The following DNM3 variants were observed in gnomAD, a reference collection of about 807,000 sequenced individuals.
DNM3 encodes the protein dynamin 3.
Under a neutral mutation model 101.6 loss-of-function variants are expected in DNM3, and 47 were observed. The ratio of observed to expected loss-of-function variants is 0.46; its 90% CI spans 0.37 to 0.59. The LOEUF (loss-of-function observed/expected upper bound fraction) is 0.59. DNM3 is among the 20% of genes least tolerant of loss of function. DNM3 has a pLI of 0.00. For missense variants in DNM3, 849 were observed against 1,085.7 expected, an observed-to-expected ratio of 0.78 and a Z score of 3.06; for synonymous variants, 385 against 387.9, an observed-to-expected ratio of 0.99 and a Z score of 0.09.
chr1:172,079,402 G>T (rs1156394454), intron 11 of DNM3, among the ~76,000 whole-genome samples: 2 of 151,674 alleles, frequency 1.3e-5, no homozygotes, highest in Non-Finnish European at 2.9e-5. Flanking sequence ...TTTTCTGCTT[G>T]ATCGATTTGC....
intron 1 of DNM3, among the ~76,000 whole-genome samples, chr1:171,842,117 CG>C (rs1165402246): frequency 1.3e-5 from 2 of 152,134 alleles, no homozygotes; most frequent in Non-Finnish European, 2.9e-5. Context: ...GGGAGGGGTC[CG>C]CCCCGGGCTC....
intron 15 of DNM3, among the ~76,000 whole-genome samples, chr1:172,298,846 GAAGA>G (rs529184099): frequency 1.9e-3 from 264 of 142,128 alleles, no homozygotes; most frequent in Middle Eastern, 3.6e-3. Flanking sequence ...AGGACAGAAA[GAAGA>G]AAGAAAGAAA....
chr1:172,167,570 C>T (rs1328652981), intron 14 of DNM3, among the ~76,000 whole-genome samples: 1 of 152,072 alleles, frequency 6.6e-6, no homozygotes, highest in Non-Finnish European at 1.5e-5. Flanking sequence ...TCCACATGCT[C>T]TCCAGCACCT....
intron 13 of DNM3, chr1:172,093,782 C>T (rs2054071461): frequency 1.3e-6 from 2 of 1,547,220 alleles, no homozygotes; most frequent in African/African-American, 1.4e-5. Context: ...TTCCCAAGGG[C>T]ACAGTTTGTC....
intron 4 of DNM3, among the ~76,000 whole-genome samples, chr1:171,990,634 G>T (rs1165778651): frequency 6.6e-6 from 1 of 152,126 alleles, no homozygotes; most frequent in Admixed American, 6.6e-5. Flanking sequence ...CAAGTCTTCA[G>T]TACTCTGCTG....
intron 2 of DNM3, among the ~76,000 whole-genome samples, chr1:171,973,298 C>A (rs1009945887): frequency 1.3e-5 from 2 of 152,178 alleles, no homozygotes; most frequent in Non-Finnish European, 2.9e-5. Context: ...GGATTTAAAT[C>A]TTTGACTGGC....
chr1:172,379,026 T>C lies in DNM3; in HGVS notation c.1902T>C (p.Asn634=). The change falls in exon 18 of 21, where the codon AAT becomes AAC. Residue 634 remains asparagine, a synonymous_variant. Coordinates refer to ENST00000627582, the MANE Select transcript of DNM3 (RefSeq NM_015569.5). The part of the protein sequence containing the change: ...DKSVGNNKAE[N]DENGQAENFS... Reference sequence around the variant, plus strand: ...GTTTTCTCTTCTTTTAGGCTGAAAATGATGAGAATGGACAAGCAGAAAACT... The same window carrying C: ...GTTTTCTCTTCTTTTAGGCTGAAAACGATGAGAATGGACAAGCAGAAAACT... 6.2e-7 allele frequency: 1 copy of C among 1,609,426 alleles called. No individual in the cohort carries two copies. Among genetic ancestry groups the C allele is most frequent in the African/African-American group, 1.3e-5 (1 of 74,714 alleles).
In DNM3 at chr1:172,285,396, G is replaced by A. The variant is rs1340459162; in HGVS notation, c.1770-23332G>A. On this transcript the variant is annotated intron_variant, in intron 15 of 20. Transcript: ENST00000627582. ...AAACTCACCCCATCCCAATCTCACTGAATGTTAGCAGTGGGGTGCTGCAGA... is the reference window on the plus strand; with the variant it reads ...AAACTCACCCCATCCCAATCTCACTAAATGTTAGCAGTGGGGTGCTGCAGA... 6.6e-5 allele frequency among the ~76,000 whole-genome samples: 10 copies of A among 152,218 alleles called. No individual in the cohort carries two copies. The East Asian group carries it at 1.7e-3, about 26-fold the overall frequency.
rs903971787 is a variant in DNM3, at chr1:172,167,092, C to T, written c.1659+35804C>T. Reference sequence around the variant, plus strand: ...CCATCTCCCCACCCCATGTCAGGCCCTGGTGTGTGATGTTCCTCACCCTGT... The same window carrying T: ...CCATCTCCCCACCCCATGTCAGGCCTTGGTGTGTGATGTTCCTCACCCTGT... On this transcript the variant is annotated intron_variant, in intron 14 of 20. Coordinates refer to ENST00000627582, the MANE Select transcript of DNM3 (RefSeq NM_015569.5). Among the ~76,000 whole-genome samples, 8 of 152,036 alleles carry T rather than the reference C, an allele frequency of 5.3e-5. No homozygotes were observed. In the East Asian group the frequency reaches 5.8e-4, roughly 11 times the overall value.
intron 9 of DNM3, among the ~76,000 whole-genome samples, chr1:172,048,048 T>A (rs943448481): frequency 2.0e-5 from 3 of 152,210 alleles, no homozygotes; most frequent in African/African-American, 7.2e-5. Flanking sequence ...AGCATTATTA[T>A]AACACCAGTT....
intron 14 of DNM3, among the ~76,000 whole-genome samples, chr1:172,179,850 C>G (rs1176252476): frequency 1.3e-5 from 2 of 152,102 alleles, no homozygotes; most frequent in East Asian, 3.9e-4. Context: ...TATTAAAAAA[C>G]TAAGGCTCTG....
At chr1:171,972,748 A>T (rs960214200) in intron 2 of DNM3, among the ~76,000 whole-genome samples, 10 of 152,026 alleles carry the variant, frequency 6.6e-5, no homozygotes, top group African/African-American at 2.2e-4. Flanking sequence ...ACTTGGGAGG[A>T]TGAGGCAGGA....
chr1:172,199,456 T>A (rs1410662778), intron 14 of DNM3, among the ~76,000 whole-genome samples: 3 of 152,120 alleles, frequency 2.0e-5, no homozygotes, highest in Non-Finnish European at 4.4e-5. Flanking sequence ...AGGTTCTGAA[T>A]ATCTTTGTTA....
At chr1:172,106,893 G>A (rs1439837492) in intron 13 of DNM3, among the ~76,000 whole-genome samples, 2 of 100,210 alleles carry the variant, frequency 2.0e-5, no homozygotes, top group East Asian at 3.3e-4. Context: ...TCGCTCTGTC[G>A]CCCAGGCCGG....
intron 17 of DNM3, 100 bp downstream of exon 17, chr1:172,323,440 T>A: frequency 1.4e-6 from 2 of 1,428,408 alleles, no homozygotes; most frequent in Middle Eastern, 1.8e-4. Context: ...GGAATGACTG[T>A]CATCTGTTAC....
At chr1:172,319,071 AG>A (rs1353083540) in intron 16 of DNM3, among the ~76,000 whole-genome samples, 1 of 152,168 alleles carries the variant, frequency 6.6e-6, no homozygotes, top group Non-Finnish European at 1.5e-5. Flanking sequence ...CAGAGCCCTC[AG>A]AAATAACGCC....
intron 17 of DNM3, among the ~76,000 whole-genome samples, chr1:172,369,602 C>G (rs1281452485): frequency 6.6e-6 from 1 of 151,878 alleles, no homozygotes; most frequent in African/African-American, 2.4e-5. Flanking sequence ...TAACATAGTA[C>G]TGGAAGTTCT....
intron 2 of DNM3, among the ~76,000 whole-genome samples, chr1:171,971,026 T>TAAC (rs2043955543): frequency 6.6e-6 from 1 of 152,118 alleles, no homozygotes; most frequent in Admixed American, 6.5e-5. Context: ...GGCATTGTAT[T>TAAC]AAATTCTTTC....
chr1:172,183,951 A>G (rs528254454), intron 14 of DNM3, among the ~76,000 whole-genome samples: 12 of 151,462 alleles, frequency 7.9e-5, no homozygotes, highest in African/African-American at 2.9e-4. Flanking sequence ...GTGTAATAGA[A>G]ATTAATATTC....
Sources: gnomAD v4.1 joint callset for allele counts (sites outside exome capture counted in the v4.1 genomes callset) on GRCh38, gnomAD v4.1.1 for gene constraint, MANE v1.5 for transcripts, NCBI Gene and HGNC (gene_info 2026-07-23, HGNC 2026-07-21) for gene names.